Variants in RPS6KC1 observed in about 807,000 individuals in gnomAD.
RPS6KC1 encodes ribosomal protein S6 kinase C1.
RPS6KC1 carries 54 observed loss-of-function variants against 103.8 expected under a neutral mutation model. That is an observed-to-expected ratio of 0.52 (90% CI 0.42 to 0.65). The LOEUF (loss-of-function observed/expected upper bound fraction) is 0.65, where lower values mean the gene tolerates loss of function less well. RPS6KC1 is among the 30% of genes least tolerant of loss of function. The probability of loss-of-function intolerance (pLI) is 0.00; values close to 1 mark genes in which losing one functional copy is unlikely to be tolerated. For missense variants in RPS6KC1, 1,151 were observed against 1,253.8 expected, an observed-to-expected ratio of 0.92 and a Z score of 1.24; for synonymous variants, 439 against 438.7, an observed-to-expected ratio of 1.00 and a Z score of -0.01.
chr1:213,371,803 G>C, the RPS6KC1 span, among the ~76,000 whole-genome samples: 1 of 152,288 alleles, frequency 6.6e-6, no homozygotes, highest in Admixed American at 6.5e-5. Context: ...CAGGCTTTCC[G>C]GTTAGCTGCC....
chr1:213,420,399 C>T, the RPS6KC1 span, among the ~76,000 whole-genome samples: 2 of 152,188 alleles, frequency 1.3e-5, no homozygotes, highest in South Asian at 2.1e-4. Flanking sequence ...CAGAGGTGCA[C>T]TCCCACCTGT....
the RPS6KC1 span, among the ~76,000 whole-genome samples, chr1:213,733,740 G>A: frequency 1.3e-5 from 2 of 152,106 alleles, no homozygotes; most frequent in African/African-American, 2.4e-5. Context: ...ATTCATTGAA[G>A]CCATTCTGCA....
the RPS6KC1 span, among the ~76,000 whole-genome samples, chr1:213,385,706 T>G: frequency 1.3e-5 from 2 of 152,154 alleles, no homozygotes; most frequent in African/African-American, 4.8e-5. Context: ...CTGATGACAG[T>G]AGACCTCACC....
chr1:213,384,001 G>A, the RPS6KC1 span, among the ~76,000 whole-genome samples: 1 of 152,184 alleles, frequency 6.6e-6, no homozygotes, highest in Non-Finnish European at 1.5e-5. Flanking sequence ...TCTTGACCAG[G>A]CGTGGTGGCT....
chr1:213,860,030 T>C, the RPS6KC1 span, among the ~76,000 whole-genome samples: 1 of 151,778 alleles, frequency 6.6e-6, no homozygotes, highest in East Asian at 1.9e-4. Context: ...AAAAAATGGA[T>C]ATTTCTGTTG....
the RPS6KC1 span, among the ~76,000 whole-genome samples, chr1:213,838,195 GACCTA>G: frequency 6.7e-3 from 1,021 of 152,152 alleles, 13 homozygotes; most frequent in African/African-American, 0.022. Flanking sequence ...CACAGTTAGT[GACCTA>G]TTCAATAGTC....
At chr1:213,710,512 G>A in the RPS6KC1 span, among the ~76,000 whole-genome samples, 1 of 152,064 alleles carries the variant, frequency 6.6e-6, no homozygotes, top group Admixed American at 6.6e-5. Flanking sequence ...TAGTCCATTT[G>A]CATTTAAGGT....
intron 6 of RPS6KC1, among the ~76,000 whole-genome samples, chr1:213,151,424 G>A (rs2088872560): frequency 7.4e-6 from 1 of 134,612 alleles, no homozygotes; most frequent in Non-Finnish European, 1.6e-5. Context: ...GGGCGGCCGG[G>A]CAGAGGCGCC....
In RPS6KC1 at chr1:213,051,243, C is replaced by G; in HGVS notation, c.-162C>G. The stretch of plus-strand genomic sequence containing the variant: ...CCTGGCCCGGAAGCTTCTCTGCTGA[C>G]CCGGAAGCAGAGCTGTGCAGCTGAG... On this transcript the variant is annotated 5_prime_UTR_variant, in exon 1 of 15. Transcript: ENST00000366960. The G allele has an allele frequency of 1.7e-6, 1 of 602,438 alleles. No homozygotes were observed. Among genetic ancestry groups the G allele is most frequent in the Non-Finnish European group, 2.9e-6 (1 of 339,632 alleles). The allele number at this position is 602,438 out of a possible 1,614,324, so 37.3% of individuals were successfully genotyped here.
the RPS6KC1 span, among the ~76,000 whole-genome samples, chr1:213,309,601 C>A: frequency 6.6e-6 from 1 of 152,232 alleles, no homozygotes; most frequent in East Asian, 1.9e-4. Context: ...ATGGGCAAGA[C>A]TGGAGCTTGG....
At chr1:213,576,121 T>C in the RPS6KC1 span, among the ~76,000 whole-genome samples, 1 of 152,124 alleles carries the variant, frequency 6.6e-6, no homozygotes, top group Non-Finnish European at 1.5e-5. Context: ...TGGCTCTGCA[T>C]ACCCACGAGT....
At chr1:213,389,607 C>T in the RPS6KC1 span, among the ~76,000 whole-genome samples, 9 of 152,322 alleles carry the variant, frequency 5.9e-5, no homozygotes, top group Middle Eastern at 3.4e-3. Flanking sequence ...GTGTCACCCC[C>T]GAGGCCCGGG....
At chr1:213,053,233 G>A (rs2077087268) in intron 1 of RPS6KC1, among the ~76,000 whole-genome samples, 1 of 152,216 alleles carries the variant, frequency 6.6e-6, no homozygotes, top group Non-Finnish European at 1.5e-5. Context: ...TTCTCTCACA[G>A]CATCCTACTT....
At chr1:213,860,138 T>C in the RPS6KC1 span, among the ~76,000 whole-genome samples, 2 of 151,026 alleles carry the variant, frequency 1.3e-5, no homozygotes, top group South Asian at 4.1e-4. Context: ...TATGTATCTA[T>C]ATATATCTGA....
chr1:213,118,663 G>C (rs1339796511), intron 5 of RPS6KC1, among the ~76,000 whole-genome samples: 1 of 150,532 alleles, frequency 6.6e-6, no homozygotes, highest in East Asian at 1.9e-4. Flanking sequence ...TTTTTCTTTT[G>C]GTACTACCGT....
chr1:213,590,614 A>C, the RPS6KC1 span, among the ~76,000 whole-genome samples: 11 of 152,228 alleles, frequency 7.2e-5, no homozygotes, highest in African/African-American at 2.6e-4. Context: ...GGGTGAAGGG[A>C]CTGAGCATTT....
the RPS6KC1 span, among the ~76,000 whole-genome samples, chr1:213,341,393 C>A: frequency 6.6e-6 from 1 of 152,140 alleles, no homozygotes. Context: ...ATAAAATTCC[C>A]AGGCAACAGG....
chr1:213,548,808 T>C, the RPS6KC1 span, among the ~76,000 whole-genome samples: 3 of 152,242 alleles, frequency 2.0e-5, no homozygotes, highest in African/African-American at 7.2e-5. Flanking sequence ...AATCATTTTA[T>C]TATAATTCTT....
the RPS6KC1 span, among the ~76,000 whole-genome samples, chr1:213,435,845 C>G: frequency 2.0e-5 from 3 of 151,940 alleles, no homozygotes; most frequent in African/African-American, 7.3e-5. Flanking sequence ...ATCTCTCTGC[C>G]CCAGCCCCCA....
Sources: gnomAD v4.1 joint callset for allele counts (sites outside exome capture counted in the v4.1 genomes callset) on GRCh38, gnomAD v4.1.1 for gene constraint, MANE v1.5 for transcripts, NCBI Gene and HGNC (gene_info 2026-07-23, HGNC 2026-07-21) for gene names.